LRRTM4: variants seen among roughly 807,000 people sequenced by gnomAD.
LRRTM4 encodes the protein leucine rich repeat transmembrane neuronal 4.
In LRRTM4, 25 loss-of-function variants were observed where a neutral mutation model predicts 47.6. The observed-to-expected ratio is 0.53, with a 90% CI of 0.38 to 0.73. The LOEUF is 0.73. Ranked by LOEUF, LRRTM4 falls within the 30% of genes least tolerant of loss-of-function variation. LRRTM4 has a pLI of 0.00. For missense variants in LRRTM4, 638 were observed against 713.4 expected, an observed-to-expected ratio of 0.89 and a Z score of 1.20; for synonymous variants, 311 against 269.5, an observed-to-expected ratio of 1.15 and a Z score of -1.51.
intron 3 of LRRTM4, among the ~76,000 whole-genome samples, chr2:77,475,372 T>C (rs1040648843): frequency 6.6e-6 from 1 of 152,112 alleles, no homozygotes; most frequent in Middle Eastern, 3.2e-3. Context: ...TAGCCAGCAT[T>C]ATTTTTATAA....
Position 77,362,146 on chromosome 2 carries a change from A to AAAGAAAGAAAGAAAGAAAGAAAGAAAGG in LRRTM4, c.1551+156144_1551+156171dup, listed in dbSNP as rs1558707358. Among the ~76,000 whole-genome samples, 177 of 137,348 alleles carry AAAGAAAGAAAGAAAGAAAGAAAGAAAGG rather than the reference A, an allele frequency of 1.3e-3. 2 individuals carry two copies. The highest frequency in any genetic ancestry group is 5.1e-3 in the African/African-American group (148 of 29,106). The allele number at this position is 137,348 out of a possible 152,430, so 90.1% of individuals were successfully genotyped here. A position where few individuals can be genotyped will look rare whatever the true frequency, so the allele number is the denominator to read the frequency against. On this transcript the variant is annotated intron_variant, in intron 3 of 3. Coordinates refer to ENST00000409884, the MANE Select transcript of LRRTM4 (RefSeq NM_001134745.3). The stretch of plus-strand genomic sequence containing the variant: ...GAAAGAAAGAAAGAAAGAAAGAAAG[A>AAAGAAAGAAAGAAAGAAAGAAAGAAAGG]AAGAAAGAAAGAAAGAAAGAAAGAA...
At position 76,748,630 on chromosome 2, in the gene LRRTM4, C is replaced by A; in HGVS notation, c.*65G>T. The A allele has an allele frequency of 7.6e-7, 1 of 1,311,872 alleles. No homozygotes were observed. The highest frequency in any genetic ancestry group is 1.1e-6 in the Non-Finnish European group (1 of 925,504). The allele number at this position is 1,311,872 out of a possible 1,614,324, so 81.3% of individuals were successfully genotyped here. A position where few individuals can be genotyped will look rare whatever the true frequency, so the allele number is the denominator to read the frequency against. ...GATTGCGCGATTGTGGACACCCATT[C>A]TCCTTTAAGATGAAGGCCCTCCCTC... On this transcript the variant is annotated 3_prime_UTR_variant, in exon 4 of 4. Coordinates refer to ENST00000409884, the MANE Select transcript of LRRTM4 (RefSeq NM_001134745.3).
At chr2:76,943,176 A>C (rs969236715) in intron 3 of LRRTM4, among the ~76,000 whole-genome samples, 3 of 152,150 alleles carry the variant, frequency 2.0e-5, no homozygotes, top group Non-Finnish European at 4.4e-5. Context: ...CCAAATCCTC[A>C]AATTCCGATT....
At chr2:76,953,002 G>A (rs1675547316) in intron 3 of LRRTM4, among the ~76,000 whole-genome samples, 1 of 151,560 alleles carries the variant, frequency 6.6e-6, no homozygotes, top group Non-Finnish European at 1.5e-5. Flanking sequence ...CATAAATATG[G>A]GAGCAATAGA....
At chr2:76,845,054 G>C (rs1479470463) in intron 3 of LRRTM4, among the ~76,000 whole-genome samples, 1 of 152,078 alleles carries the variant, frequency 6.6e-6, no homozygotes, top group African/African-American at 2.4e-5. Context: ...TCTTATTTCA[G>C]TTTGCTTTAA....
At chr2:77,021,826 CACA>C (rs1678281859) in intron 3 of LRRTM4, among the ~76,000 whole-genome samples, 1 of 148,850 alleles carries the variant, frequency 6.7e-6, no homozygotes, top group African/African-American at 2.4e-5. Context: ...ATTCAAGGTG[CACA>C]ACATGATGAT....
chr2:77,074,798 T>C (rs1173922273), intron 3 of LRRTM4, among the ~76,000 whole-genome samples: 3 of 152,148 alleles, frequency 2.0e-5, no homozygotes, highest in African/African-American at 7.2e-5. Flanking sequence ...TTTCTTCTAA[T>C]TGTTGGTTGG....
intron 3 of LRRTM4, among the ~76,000 whole-genome samples, chr2:76,823,619 T>G (rs143501247): frequency 4.7e-4 from 71 of 150,460 alleles, no homozygotes; most frequent in Middle Eastern, 3.4e-3. Context: ...AATAAAAAAT[T>G]TGACAAACCA....
chr2:76,795,086 C>T (rs902853106), intron 3 of LRRTM4, among the ~76,000 whole-genome samples: 20 of 151,696 alleles, frequency 1.3e-4, no homozygotes, highest in African/African-American at 2.4e-4. Context: ...TTAACATAGA[C>T]GGCAGATATG....
chr2:77,000,460 T>C (rs1075716), intron 3 of LRRTM4, among the ~76,000 whole-genome samples: 21,308 of 152,182 alleles, frequency 0.14, 1,598 homozygotes, highest in Admixed American at 0.2. Flanking sequence ...CCCTTGGTCT[T>C]GTCAGTTGTA....
At chr2:76,975,483 A>G (rs1293696777) in intron 3 of LRRTM4, among the ~76,000 whole-genome samples, 1 of 151,628 alleles carries the variant, frequency 6.6e-6, no homozygotes, top group Non-Finnish European at 1.5e-5. Context: ...GAAAAGATAA[A>G]CAACTGTATA....
chr2:77,056,225 T>C (rs1350683140), intron 3 of LRRTM4, among the ~76,000 whole-genome samples: 2 of 147,190 alleles, frequency 1.4e-5, no homozygotes, highest in African/African-American at 4.9e-5. Flanking sequence ...TTATGTGATA[T>C]ATGAAAAAAT....
intron 3 of LRRTM4, among the ~76,000 whole-genome samples, chr2:76,912,649 T>C (rs1674111272): frequency 6.6e-6 from 1 of 152,170 alleles, no homozygotes; most frequent in Non-Finnish European, 1.5e-5. Flanking sequence ...CCAAATGTCA[T>C]GAAGAATTGT....
In LRRTM4 at chr2:76,773,989, T is replaced by C. The variant is rs772858154; in HGVS notation, c.1552-25073A>G. Reference sequence around the variant, plus strand: ...TGAGAAAAAAATATATAGCGGATCTTTGAACAATGTGCGGATGAAAGACAC... The same window carrying C: ...TGAGAAAAAAATATATAGCGGATCTCTGAACAATGTGCGGATGAAAGACAC... On this transcript the variant is annotated intron_variant, in intron 3 of 3. Transcript: ENST00000409884. Among the ~76,000 whole-genome samples, 60 of 152,144 alleles carry C rather than the reference T, an allele frequency of 3.9e-4. 1 individual carries two copies. The highest frequency in any genetic ancestry group is 3.4e-3 in the Middle Eastern group (1 of 294).
chr2:76,903,716 T>A (rs902703467), intron 3 of LRRTM4, among the ~76,000 whole-genome samples: 5 of 152,120 alleles, frequency 3.3e-5, no homozygotes, highest in Admixed American at 6.5e-5. Flanking sequence ...AGGAGAAACA[T>A]CTATAAAGCA....
intron 3 of LRRTM4, among the ~76,000 whole-genome samples, chr2:77,144,414 ATGGGGTCAAAAAAAAAAAG>A (rs924799352): frequency 2.6e-5 from 4 of 151,832 alleles, no homozygotes; most frequent in East Asian, 1.9e-4. Flanking sequence ...AGGCTGCTGC[ATGGGGTCAAAAAAAAAAAG>A]TGGGGTCAAA....
chr2:77,490,539 A>G (rs1187477444), intron 3 of LRRTM4, among the ~76,000 whole-genome samples: 1 of 152,108 alleles, frequency 6.6e-6, no homozygotes, highest in African/African-American at 2.4e-5. Flanking sequence ...CAAAAGAAAA[A>G]TCCTTAGCGA....
chr2:76,789,005 A>C (rs1159174588), intron 3 of LRRTM4, among the ~76,000 whole-genome samples: 1 of 152,202 alleles, frequency 6.6e-6, no homozygotes, highest in Non-Finnish European at 1.5e-5. Flanking sequence ...ACACTGAGTT[A>C]AACAGCTAAT....
intron 3 of LRRTM4, among the ~76,000 whole-genome samples, chr2:77,145,816 A>G (rs1420807788): frequency 6.8e-6 from 1 of 145,988 alleles, no homozygotes; most frequent in Non-Finnish European, 1.5e-5. Context: ...AAATAAAAAT[A>G]AAAATTGTAT....
Sources: gnomAD v4.1 joint callset for allele counts (sites outside exome capture counted in the v4.1 genomes callset) on GRCh38, gnomAD v4.1.1 for gene constraint, MANE v1.5 for transcripts, NCBI Gene and HGNC (gene_info 2026-07-23, HGNC 2026-07-21) for gene names.